Variants in NR6A1 observed in about 807,000 individuals in gnomAD.
NR6A1 encodes nuclear receptor subfamily 6 group A member 1.
Under a neutral mutation model 59.1 loss-of-function variants are expected in NR6A1, and 7 were observed. The observed-to-expected ratio is 0.12, with a 90% CI of 0.07 to 0.22. NR6A1 has a LOEUF of 0.22. Among genes scored for constraint, NR6A1 ranks in the 10% least tolerant of loss-of-function variants. The pLI is 1.00. For missense variants in NR6A1, 468 were observed against 611.6 expected, an observed-to-expected ratio of 0.77 and a Z score of 2.48; for synonymous variants, 243 against 236.1, an observed-to-expected ratio of 1.03 and a Z score of -0.27.
intron 2 of NR6A1, among the ~76,000 whole-genome samples, chr9:124,583,046 C>T (rs1834819486): frequency 6.6e-6 from 1 of 152,116 alleles, no homozygotes; most frequent in African/African-American, 2.4e-5. Context: ...AATTATCTAT[C>T]CAAAAACATT....
rs191989826 is a variant in NR6A1 at position 124,621,222 on chromosome 9, T to A, written c.143-66652A>T. ...AAATGTGCACTTAAGAAATCTGACATAAAACATGCTTTTTGTTCCTTACAC... is the reference window on the plus strand; with the variant it reads ...AAATGTGCACTTAAGAAATCTGACAAAAAACATGCTTTTTGTTCCTTACAC... On this transcript the variant is annotated intron_variant, in intron 2 of 9. Transcript: ENST00000487099. Among the ~76,000 whole-genome samples the A allele has an allele frequency of 3.5e-4, 54 of 152,348 alleles. No homozygotes were observed. In the East Asian group the frequency reaches 9.8e-3, roughly 28 times the overall value.
intron 2 of NR6A1, among the ~76,000 whole-genome samples, chr9:124,642,788 T>G (rs906597462): frequency 3.3e-5 from 5 of 152,110 alleles, no homozygotes; most frequent in Non-Finnish European, 5.9e-5. Context: ...ATGACCAAAT[T>G]GGCTGGTTAG....
intron 2 of NR6A1, among the ~76,000 whole-genome samples, chr9:124,643,431 T>C: frequency 6.6e-6 from 1 of 151,820 alleles, no homozygotes; most frequent in East Asian, 1.9e-4. Context: ...TGAAACCCCA[T>C]TTCTACCAAA....
intron 2 of NR6A1, among the ~76,000 whole-genome samples, chr9:124,622,894 A>C (rs1223147973): frequency 6.6e-6 from 1 of 152,210 alleles, no homozygotes; most frequent in Non-Finnish European, 1.5e-5. Flanking sequence ...GGGATTTTGC[A>C]GAGAGAAATG....
At chr9:124,630,867 G>A (rs537518466) in intron 2 of NR6A1, among the ~76,000 whole-genome samples, 5 of 150,406 alleles carry the variant, frequency 3.3e-5, no homozygotes, top group African/African-American at 9.8e-5. Flanking sequence ...TAGTAGAGAC[G>A]GAGTTTTTCC....
At chr9:124,567,050 G>A (rs1387921370) in intron 2 of NR6A1, among the ~76,000 whole-genome samples, 2 of 151,318 alleles carry the variant, frequency 1.3e-5, no homozygotes, top group Non-Finnish European at 1.5e-5. Flanking sequence ...GGAGCTTGCA[G>A]TGAGCCGAGA....
At chr9:124,652,882 C>T (rs147526761) in intron 2 of NR6A1, among the ~76,000 whole-genome samples, 50 of 152,296 alleles carry the variant, frequency 3.3e-4, no homozygotes, top group African/African-American at 1.2e-3. Flanking sequence ...TAATGAGTAG[C>T]GTCAGTTGTA....
intron 2 of NR6A1, among the ~76,000 whole-genome samples, chr9:124,596,882 T>A (rs1835286655): frequency 6.6e-6 from 1 of 152,258 alleles, no homozygotes; most frequent in South Asian, 2.1e-4. Flanking sequence ...GAAGGTGGAA[T>A]GTCCCCAAGA....
intron 2 of NR6A1, among the ~76,000 whole-genome samples, chr9:124,659,155 G>A (rs1375173509): frequency 6.6e-6 from 1 of 152,176 alleles, no homozygotes; most frequent in Non-Finnish European, 1.5e-5. Context: ...GGGCGGTGGG[G>A]GTAGAGGCAA....
chr9:124,684,496 A>C (rs992093773), intron 2 of NR6A1, among the ~76,000 whole-genome samples: 12 of 152,160 alleles, frequency 7.9e-5, no homozygotes, highest in Admixed American at 7.9e-4. Context: ...TTCAAGACAC[A>C]AGGCAGCAGC....
In NR6A1 at chr9:124,532,434, C is replaced by T. The variant is rs369178072; in HGVS notation, c.1079+3444G>A. ...CTCTTCGGATGCCCCGCCATCTCCA[C>T]CAACACAACCCTGCACTGTAAGCTG... On this transcript the variant is annotated intron_variant, in intron 7 of 9. Transcript: ENST00000487099. Among the ~76,000 whole-genome samples the T allele has an allele frequency of 1.6e-4, 25 of 152,318 alleles. No individual in the cohort carries two copies. The East Asian group carries it at 3.1e-3, about 19-fold the overall frequency.
chr9:124,681,444 C>A (rs751253630), intron 2 of NR6A1, among the ~76,000 whole-genome samples: 1 of 148,646 alleles, frequency 6.7e-6, no homozygotes, highest in African/African-American at 2.5e-5. Context: ...CGGGTTCAGG[C>A]GATTCTCCTG....
chr9:124,584,096 C>CTT (rs557906470), intron 2 of NR6A1, among the ~76,000 whole-genome samples: 21 of 133,086 alleles, frequency 1.6e-4, no homozygotes, highest in Admixed American at 3.9e-4. Flanking sequence ...TTGCACTTGG[C>CTT]TTTTTTTTTT....
intron 2 of NR6A1, among the ~76,000 whole-genome samples, chr9:124,572,772 C>CTT (rs1834475626): frequency 6.6e-6 from 1 of 152,146 alleles, no homozygotes; most frequent in Non-Finnish European, 1.5e-5. Flanking sequence ...AACTGGAGCT[C>CTT]TAAGAAGCTA....
chr9:124,688,356 A>C (rs1838410792), intron 2 of NR6A1, among the ~76,000 whole-genome samples: 1 of 152,134 alleles, frequency 6.6e-6, no homozygotes, highest in Non-Finnish European at 1.5e-5. Flanking sequence ...AGTTATGTGA[A>C]TGTGGTCTCT....
At chr9:124,541,453 T>C (rs1319757778) in intron 4 of NR6A1, among the ~76,000 whole-genome samples, 1 of 152,152 alleles carries the variant, frequency 6.6e-6, no homozygotes, top group African/African-American at 2.4e-5. Context: ...ATGTCTGTTG[T>C]ATGTAAAAGA....
chr9:124,687,341 A>G (rs1033251039), intron 2 of NR6A1, among the ~76,000 whole-genome samples: 15 of 139,056 alleles, frequency 1.1e-4, no homozygotes, highest in African/African-American at 4.6e-4. Context: ...AGGTCTTGCT[A>G]TGTTGCCCAG....
In NR6A1 at chr9:124,760,717, T is replaced by C. The variant is rs370123671; in HGVS notation, c.100+10303A>G. 1.6e-3 allele frequency among the ~76,000 whole-genome samples: 241 copies of C among 152,362 alleles called. 7 individuals are homozygous for C. In the South Asian group the frequency reaches 0.048, roughly 30 times the overall value. On this transcript the variant is annotated intron_variant, in intron 1 of 9. Transcript: ENST00000487099. ...TACCTCAGAGTTAAGACGATAAATATACATAAGGTGTTTAGATTATAAACA... is the reference window on the plus strand; with the variant it reads ...TACCTCAGAGTTAAGACGATAAATACACATAAGGTGTTTAGATTATAAACA...
chr9:124,731,435 T>A (rs932074203), intron 2 of NR6A1, among the ~76,000 whole-genome samples: 11 of 151,186 alleles, frequency 7.3e-5, no homozygotes, highest in African/African-American at 2.7e-4. Context: ...TTTCCTCCCC[T>A]AAGCAAAGGC....
Sources: gnomAD v4.1 joint callset for allele counts (sites outside exome capture counted in the v4.1 genomes callset) on GRCh38, gnomAD v4.1.1 for gene constraint, MANE v1.5 for transcripts, NCBI Gene and HGNC (gene_info 2026-07-23, HGNC 2026-07-21) for gene names.